The following SH2B3 variants were observed in gnomAD, a reference collection of about 807,000 sequenced individuals.
SH2B3 encodes the protein SH2B adaptor protein 3.
In SH2B3, 43 loss-of-function variants were observed where a neutral mutation model predicts 51.9. The observed-to-expected ratio is 0.83, with a 90% CI of 0.65 to 1.07. SH2B3 has a LOEUF of 1.07. SH2B3 is among the 50% of genes least tolerant of loss of function. SH2B3 has a pLI of 0.00. For synonymous variants in SH2B3, 396 were observed against 376.0 expected (o/e 1.05, Z -0.62); for missense variants, 952 against 834.3 (o/e 1.14, Z -1.74).
chr12:111,422,480 C>T (rs892213602), intron 2 of SH2B3, among the ~76,000 whole-genome samples: 4 of 151,616 alleles, frequency 2.6e-5, no homozygotes, highest in Non-Finnish European at 4.4e-5. Context: ...TTGTAAAAGT[C>T]GTTATATATT....
Position 111,448,159 on chromosome 12 carries a change from G to T in SH2B3, c.1585G>T (p.Val529Leu), listed in dbSNP as rs746106054. The T allele has an allele frequency of 6.2e-7, 1 of 1,614,020 alleles. No individual in the cohort carries two copies. Among genetic ancestry groups the T allele is most frequent in the Admixed American group, 1.7e-5 (1 of 60,004 alleles). ...ACCCCCCGAGCAGATCTTCCACCTG[G>T]TGCCTTCGCCCGAAGAACTGGCCAA... ...SSPPEQIFHL[V>L]PSPEELANSL... Residue 529 changes from valine to leucine, a missense_variant, in exon 8 of 8, where the codon GTG becomes TTG. Val to Leu is a conservative substitution (Grantham distance 32). Transcript: ENST00000341259.
In SH2B3 at chr12:111,446,750, T is replaced by C. The variant is rs925593090; in HGVS notation, c.733-3T>C. The C allele has an allele frequency of 9.2e-6, 14 of 1,525,686 alleles. No homozygotes were observed. The highest frequency in any genetic ancestry group is 4.2e-5 in the African/African-American group (3 of 72,174). The allele number at this position is 1,525,686 out of a possible 1,614,324, so 94.5% of individuals were successfully genotyped here. A position where few individuals can be genotyped will look rare whatever the true frequency, so the allele number is the denominator to read the frequency against. ...CCTTGAGTACCCCAACTTGGTCTCG[T>C]AGAGTTCAAGGCCCAAGCTACAAGC... On this transcript the variant is annotated splice_region_variant and splice_polypyrimidine_tract_variant and intron_variant, in intron 2 of 7. Coordinates refer to ENST00000341259, the MANE Select transcript of SH2B3 (RefSeq NM_005475.3).
At chr12:111,447,864 G>A (rs925293699) in intron 7 of SH2B3, 37 bp downstream of exon 7, 1 of 1,602,340 alleles carries the variant, frequency 6.2e-7, no homozygotes, top group Non-Finnish European at 8.5e-7. Context: ...GGGGGTGGCT[G>A]ACACTGGGTA....
In SH2B3 at chr12:111,418,483, C is replaced by T. The variant is rs1403072205; in HGVS notation, c.338C>T (p.Pro113Leu). ...SPEPGPGPAA[P>L]GLPKARSSEE... ...GAGCCAGGCCCCGGCCCCGCCGCCC[C>T]TGGCCTGCCCAAGGCCCGCAGCTCT... is the stretch of plus-strand genomic sequence containing the variant. The change falls in exon 2 of 8, where the codon CCT (proline) becomes CTT (leucine). Residue 113 changes from proline (P) to leucine (L), a missense_variant. Transcript: ENST00000341259. The surrounding 1 kb of genome is among the most constrained non-coding windows in gnomAD (Gnocchi z 6.7). 6 of 1,367,914 alleles carry T rather than the reference C, an allele frequency of 4.4e-6. No homozygotes were observed. The highest frequency in any genetic ancestry group is 5.6e-6 in the Non-Finnish European group (6 of 1,065,718). The allele number at this position is 1,367,914 out of a possible 1,614,324, so 84.7% of individuals were successfully genotyped here. A position where few individuals can be genotyped will look rare whatever the true frequency, so the allele number is the denominator to read the frequency against.
rs1416190453 is a variant in SH2B3, at chr12:111,438,907, G to GC, written c.733-7843dup. 1.3e-5 allele frequency among the ~76,000 whole-genome samples: 2 copies of GC among 152,196 alleles called. No homozygotes were observed. Among genetic ancestry groups the GC allele is most frequent in the Non-Finnish European group, 2.9e-5 (2 of 68,036 alleles). On this transcript the variant is annotated intron_variant, in intron 2 of 7. Coordinates refer to ENST00000341259, the MANE Select transcript of SH2B3 (RefSeq NM_005475.3). This position sits in a 1 kb window ranked among gnomAD's most constrained non-coding sequence, Gnocchi z 4.2. ...GGCTGGATCAGAGCGAGGGAGGGAG[G>GC]CCCAAGAGGCTGAGGAGGTAACAAG...
At position 111,447,041 on chromosome 12, in the gene SH2B3, C is replaced by A; in HGVS notation, c.926+8C>A. 6.2e-7 allele frequency: 1 copy of A among 1,612,758 alleles called. No individual in the cohort carries two copies. The highest frequency in any genetic ancestry group is 2.2e-5 in the East Asian group (1 of 44,860). On this transcript the variant is annotated splice_region_variant and intron_variant, in intron 4 of 7. Transcript: ENST00000341259. The stretch of plus-strand genomic sequence containing the variant: ...GGAGTGCACAGGCCGAGGGTGAGGT[C>A]CTGGGCCCTCGTCCCTGGCACCACC...
chr12:111,422,082 G>GTTT (rs1871605678), intron 2 of SH2B3, among the ~76,000 whole-genome samples: 1 of 152,246 alleles, frequency 6.6e-6, no homozygotes, highest in Admixed American at 6.5e-5. Flanking sequence ...TTTGTGTTTT[G>GTTT]TTTTGTTTTT....
intron 2 of SH2B3, among the ~76,000 whole-genome samples, chr12:111,424,279 C>T (rs980083490): frequency 6.6e-6 from 1 of 152,028 alleles, no homozygotes; most frequent in African/African-American, 2.4e-5. Context: ...TTGGGGAGTA[C>T]TCATAGTTCC....
Position 111,421,093 on chromosome 12 carries a change from G to A in SH2B3, c.732+2216G>A, listed in dbSNP as rs192877839. On this transcript the variant is annotated intron_variant, in intron 2 of 7. Transcript: ENST00000341259. ...TTATCACCACAGGTTCGATTTCTCTGTTCTTGAACATCATGTGAATGGAAT... is the reference window on the plus strand; with the variant it reads ...TTATCACCACAGGTTCGATTTCTCTATTCTTGAACATCATGTGAATGGAAT... 2.0e-5 allele frequency among the ~76,000 whole-genome samples: 3 copies of A among 152,206 alleles called. No individual in the cohort carries two copies. In the East Asian group the frequency reaches 5.8e-4, roughly 29 times the overall value.
chr12:111,444,846 C>T (rs1873774790), intron 2 of SH2B3: 1 of 985,600 alleles, frequency 1.0e-6, no homozygotes, highest in Non-Finnish European at 1.2e-6. Context: ...GCATAGGACA[C>T]CCATACCACC....
At chr12:111,432,895 T>G (rs769298262) in intron 2 of SH2B3, among the ~76,000 whole-genome samples, 1 of 152,266 alleles carries the variant, frequency 6.6e-6, no homozygotes, top group Non-Finnish European at 1.5e-5. Context: ...ATTTTGCTTA[T>G]TTGTTTATCA....
rs755940454 is a variant in SH2B3, at chr12:111,418,933, C to T, written c.732+56C>T. On this transcript the variant is annotated intron_variant, in intron 2 of 7. Transcript: ENST00000341259. The surrounding 1 kb of genome is among the most constrained non-coding windows in gnomAD (Gnocchi z 6.7). ...CTGCACTGCGCCCTTCGCCTTCACC[C>T]TGGGGAGAGCGCGGGCTGGGGAGGT... 70 of 1,348,644 alleles carry T rather than the reference C, an allele frequency of 5.2e-5. No homozygotes were observed. The highest frequency in any genetic ancestry group is 6.4e-5 in the Non-Finnish European group (67 of 1,054,844). 83.5% of individuals were successfully genotyped at this position (1,348,644 alleles called of 1,614,324 possible).
chr12:111,431,021 G>A (rs1233431888), intron 2 of SH2B3, among the ~76,000 whole-genome samples: 1 of 147,990 alleles, frequency 6.8e-6, no homozygotes, highest in African/African-American at 2.5e-5. Context: ...GCCGGCCGGG[G>A]GTGGGTGGCG....
In SH2B3 at chr12:111,416,695, C is replaced by T. The variant is rs964547072; in HGVS notation, c.-27-1424C>T. ...TTTTAGTAGAGATGGGGTTTCACCA[C>T]GTTGGCCAGGCTGGTCTCTAACTCC... On this transcript the variant is annotated intron_variant, in intron 1 of 7. Coordinates refer to ENST00000341259, the MANE Select transcript of SH2B3 (RefSeq NM_005475.3). 3.3e-5 allele frequency among the ~76,000 whole-genome samples: 5 copies of T among 152,074 alleles called. No individual in the cohort carries two copies. In the East Asian group the frequency reaches 7.8e-4, roughly 24 times the overall value.
intron 2 of SH2B3, among the ~76,000 whole-genome samples, chr12:111,442,840 G>A (rs999290422): frequency 3.9e-5 from 6 of 152,222 alleles, no homozygotes; most frequent in East Asian, 1.9e-4. Context: ...GTGTGGTCAC[G>A]CCACCAGAGC....
At chr12:111,405,903 C>A (rs962487794), upstream of SH2B3, 1 of 151,952 alleles carries the variant, frequency 6.6e-6, no homozygotes, top group Non-Finnish European at 1.5e-5. The surrounding 1 kb of genome is among the most constrained non-coding windows in gnomAD (Gnocchi z 5.4). Flanking sequence ...GGGCTCCGCT[C>A]GCACGGCCGG....
Position 111,438,296 on chromosome 12 carries a change from G to A in SH2B3, c.733-8457G>A, listed in dbSNP as rs187489499. On this transcript the variant is annotated intron_variant, in intron 2 of 7. Transcript: ENST00000341259. The surrounding 1 kb of genome is among the most constrained non-coding windows in gnomAD (Gnocchi z 4.2). ...CTATTCCCCATGGCTGGGGCACTGT[G>A]TGATTTTGCCTCCCAGAGTCTGTAG... 8.5e-5 allele frequency among the ~76,000 whole-genome samples: 13 copies of A among 152,276 alleles called. No homozygotes were observed. Among genetic ancestry groups the A allele is most frequent in the Admixed American group, 8.5e-4 (13 of 15,300 alleles).
chr12:111,412,348 C>T (rs1565965055), intron 1 of SH2B3, among the ~76,000 whole-genome samples: 1 of 152,164 alleles, frequency 6.6e-6, no homozygotes, highest in Non-Finnish European at 1.5e-5. Context: ...TCTGGGCTGG[C>T]AACTTCCTGC....
intron 2 of SH2B3, among the ~76,000 whole-genome samples, chr12:111,446,246 G>A (rs924108112): frequency 9.8e-5 from 15 of 152,362 alleles, no homozygotes; most frequent in Admixed American, 9.1e-4. Context: ...CAGGTTTCCT[G>A]CTGGCAAAGG....
Sources: gnomAD v4.1 joint callset for allele counts (sites outside exome capture counted in the v4.1 genomes callset) on GRCh38, gnomAD v4.1.1 for gene constraint, Gnocchi (gnomAD v3.1) non-coding constraint, MANE v1.5 for transcripts, NCBI Gene and HGNC (gene_info 2026-07-23, HGNC 2026-07-21) for gene names.